MED12L: variants seen among roughly 807,000 people sequenced by gnomAD.
MED12L encodes mediator of RNA polymerase II transcription subunit 12-like protein.
Under a neutral mutation model 281.3 loss-of-function variants are expected in MED12L, and 60 were observed. That is an observed-to-expected ratio of 0.21 (90% CI 0.17 to 0.26). The LOEUF is 0.26. Ranked by LOEUF, MED12L falls within the 10% of genes least tolerant of loss-of-function variation. The probability of loss-of-function intolerance (pLI) is 1.00; values close to 1 mark genes in which losing one functional copy is unlikely to be tolerated. For synonymous variants in MED12L, 974 were observed against 987.2 expected (o/e 0.99, Z 0.25); for missense variants, 2,146 against 2,680.9 (o/e 0.80, Z 4.41).
intron 44 of MED12L, 104 bp from the exon 45 acceptor site, chr3:151,432,647 TC>T: frequency 1.2e-6 from 1 of 821,602 alleles, no homozygotes; most frequent in Non-Finnish European, 2.0e-6. Context: ...CCATTCTGTT[TC>T]CCTGTACCTG....
At chr3:151,207,104 T>C (rs1250223676) in intron 16 of MED12L, among the ~76,000 whole-genome samples, 1 of 150,888 alleles carries the variant, frequency 6.6e-6, no homozygotes, top group East Asian at 2.0e-4. Context: ...TGGAGTGCAG[T>C]GGTTATTCAG....
chr3:151,366,821 G>T (rs944338326), intron 23 of MED12L, among the ~76,000 whole-genome samples: 2 of 152,010 alleles, frequency 1.3e-5, no homozygotes, highest in Non-Finnish European at 2.9e-5. Context: ...GGACAGAAGA[G>T]ACTTAAATTT....
chr3:151,398,922 A>G (rs1349985173), intron 39 of MED12L, among the ~76,000 whole-genome samples: 1 of 152,230 alleles, frequency 6.6e-6, no homozygotes, highest in Non-Finnish European at 1.5e-5. Context: ...TTATACTGTA[A>G]CAAACATGTA....
rs73021139 is a variant in MED12L at position 151,215,263 on chromosome 3, A to T, written c.2250+21597A>T. 8.3e-3 allele frequency among the ~76,000 whole-genome samples: 1,260 copies of T among 152,316 alleles called. 23 individuals are homozygous for T. Among genetic ancestry groups the T allele is most frequent in the African/African-American group, 0.029 (1,194 of 41,580 alleles). ...TGTACTATTCAGTATGGTAGCCACT[A>T]GCCATGTGTGGGTATTGAGCACTTG... On this transcript the variant is annotated intron_variant, in intron 16 of 44. Transcript: ENST00000687756.
chr3:151,368,689 T>TATTTCATTTCATTTCATTTCATTTC, intron 25 of MED12L, among the ~76,000 whole-genome samples: 1 of 42,010 alleles, frequency 2.4e-5, no homozygotes, highest in Admixed American at 2.6e-4. Context: ...CATTTCATTT[T>TATTTCATTTCATTTCATTTCATTTC]ATTTCATTTC....
rs199531209 is a variant in MED12L, at chr3:151,368,248, A to G, written c.3547A>G (p.Thr1183Ala). The change falls in exon 25 of 45, where the codon ACG becomes GCG. Residue 1183 changes from threonine to alanine, a missense_variant. By Grantham distance (58) the Thr-to-Ala change is moderately conservative. Around this residue, in one of 9 missense-constraint regions of MED12L, gnomAD observed 404 missense variants for 603.5 expected, o/e 0.67. Coordinates refer to ENST00000687756, the MANE Select transcript of MED12L (RefSeq NM_001393769.1). ...CCAGGCCTGCTTCTTACCTCAAGCA[A>G]CGGGTGAGCTGACTGCAGAAAAATC... ...APQACFLPQA[T>A]GKPFPGIRSS... 7.4e-6 allele frequency: 12 copies of G among 1,613,364 alleles called. No individual in the cohort carries two copies. The highest frequency in any genetic ancestry group is 2.7e-5 in the African/African-American group (2 of 75,008).
intron 8 of MED12L, among the ~76,000 whole-genome samples, chr3:151,160,773 A>C (rs924960999): frequency 3.3e-5 from 5 of 152,212 alleles, no homozygotes; most frequent in African/African-American, 1.2e-4. Flanking sequence ...ACAGTTTCCA[A>C]ATAATATGAC....
chr3:151,372,892 A>C, intron 27 of MED12L, 126 bp downstream of exon 27: 1 of 662,098 alleles, frequency 1.5e-6, no homozygotes, highest in Non-Finnish European at 2.5e-6. Context: ...TTTCGAAATA[A>C]TTTTAAGTTT....
intron 16 of MED12L, among the ~76,000 whole-genome samples, chr3:151,201,390 C>G (rs751246646): frequency 7.9e-5 from 12 of 152,144 alleles, no homozygotes; most frequent in Non-Finnish European, 1.5e-4. Flanking sequence ...CTCTATTATT[C>G]TGTGTACAGT....
chr3:151,138,877 A>G (rs1716522519), intron 5 of MED12L, among the ~76,000 whole-genome samples: 1 of 152,204 alleles, frequency 6.6e-6, no homozygotes, highest in Middle Eastern at 3.4e-3. Flanking sequence ...AGGAAGTAAT[A>G]TGGACAGTCC....
intron 16 of MED12L, among the ~76,000 whole-genome samples, chr3:151,292,026 G>A (rs968215937): frequency 1.5e-4 from 23 of 152,180 alleles, no homozygotes; most frequent in African/African-American, 4.8e-4. Context: ...GGATTTAGAT[G>A]TTTTAAAGAC....
At chr3:151,402,377 T>A (rs550806242) in intron 39 of MED12L, among the ~76,000 whole-genome samples, 9 of 152,204 alleles carry the variant, frequency 5.9e-5, no homozygotes, top group Non-Finnish European at 1.3e-4. Context: ...GTGCAAACAG[T>A]GGTCGCACTA....
At chr3:151,396,958 G>A (rs973846609) in intron 39 of MED12L, among the ~76,000 whole-genome samples, 1 of 152,148 alleles carries the variant, frequency 6.6e-6, no homozygotes, top group Non-Finnish European at 1.5e-5. Flanking sequence ...TTGGGGAAGT[G>A]TACCTTGATG....
chr3:151,323,403 A>G (rs1311634230), intron 16 of MED12L, among the ~76,000 whole-genome samples: 1 of 152,192 alleles, frequency 6.6e-6, no homozygotes, highest in Non-Finnish European at 1.5e-5. Context: ...AGTGAAGACT[A>G]GATGTCCCAG....
intron 16 of MED12L, among the ~76,000 whole-genome samples, chr3:151,323,300 G>A (rs1749205238): frequency 6.6e-6 from 1 of 152,164 alleles, no homozygotes; most frequent in African/African-American, 2.4e-5. Flanking sequence ...TCTTCCTTCA[G>A]TCTAGAATCA....
chr3:151,272,582 C>A (rs189103229), intron 16 of MED12L, among the ~76,000 whole-genome samples: 1 of 152,154 alleles, frequency 6.6e-6, no homozygotes, highest in Non-Finnish European at 1.5e-5. Flanking sequence ...GATATTCTTA[C>A]AAAGTGCATA....
At chr3:151,417,680 C>T (rs1717778448) in intron 43 of MED12L, among the ~76,000 whole-genome samples, 1 of 152,012 alleles carries the variant, frequency 6.6e-6, no homozygotes, top group Admixed American at 6.6e-5. Context: ...GTTGGCCAGA[C>T]TGTGGTCTTG....
chr3:151,249,071 A>G (rs1736338289), intron 16 of MED12L: 2 of 152,184 alleles, frequency 1.3e-5, no homozygotes, highest in African/African-American at 2.4e-5. Context: ...GTCAGGTACT[A>G]CAGATGTCCA....
At chr3:151,344,286 A>G (rs1034817961) in intron 16 of MED12L, among the ~76,000 whole-genome samples, 1 of 133,246 alleles carries the variant, frequency 7.5e-6, no homozygotes, top group African/African-American at 2.9e-5. Flanking sequence ...AATATACTCT[A>G]TGTATAGTTA....
Sources: gnomAD v4.1 joint callset for allele counts (sites outside exome capture counted in the v4.1 genomes callset) on GRCh38, gnomAD v4.1.1 for gene constraint, gnomAD v4.1.1 regional missense constraint, MANE v1.5 for transcripts, NCBI Gene and HGNC (gene_info 2026-07-23, HGNC 2026-07-21) for gene names.